The following NBAS variants were observed in gnomAD, a reference collection of about 807,000 sequenced individuals.
The protein encoded by NBAS is NAG/BC035112 fusion.
NBAS carries 219 observed loss-of-function variants against 302.5 expected under a neutral mutation model. The ratio of observed to expected loss-of-function variants is 0.72; its 90% CI spans 0.65 to 0.81. The LOEUF (loss-of-function observed/expected upper bound fraction) is 0.81. Ranked by LOEUF, NBAS falls within the 30% of genes least tolerant of loss-of-function variation. The pLI is 0.00. For missense variants in NBAS, 2,932 were observed against 2,841.6 expected (o/e 1.03, Z -0.72); for synonymous variants, 1,118 against 1,021.6 (o/e 1.09, Z -1.80).
chr2:15,410,941 G>A (rs1017730768), intron 25 of NBAS, among the ~76,000 whole-genome samples: 11 of 152,192 alleles, frequency 7.2e-5, no homozygotes, highest in Admixed American at 2.0e-4. Context: ...CTGCAGTTCC[G>A]TGGGATCCCA....
chr2:15,287,247 C>A lies in NBAS; in HGVS notation c.5028-64G>T, dbSNP rs568312313. On this transcript the variant is annotated intron_variant, in intron 41 of 51. Transcript: ENST00000281513. ...AGAAACACATGACTTCAATCAGCAA[C>A]GAAAATGCTCATTAGGACTGCTCTC... 197 of 1,284,586 alleles carry A rather than the reference C, an allele frequency of 1.5e-4. 2 individuals carry two copies. The South Asian group carries it at 2.1e-3, about 14-fold the overall frequency. 79.6% of individuals were successfully genotyped at this position (1,284,586 alleles called of 1,614,324 possible).
chr2:15,255,356 G>T (rs1185915614), intron 44 of NBAS, among the ~76,000 whole-genome samples: 2 of 152,068 alleles, frequency 1.3e-5, no homozygotes, highest in Non-Finnish European at 2.9e-5. Flanking sequence ...GGCCACTGGT[G>T]TATCTCCTTT....
Position 15,285,346 on chromosome 2 carries a change from A to G in NBAS, c.5138+1727T>C, listed in dbSNP as rs139690177. ...TCTTTCTTCCCATGGCTTCCCTAAA[A>G]TAAGATTCCTGTTTCCCCTCTTACC... On this transcript the variant is annotated intron_variant, in intron 42 of 51. Coordinates refer to ENST00000281513, the MANE Select transcript of NBAS (RefSeq NM_015909.4). Among the ~76,000 whole-genome samples, 237 of 152,248 alleles carry G rather than the reference A, an allele frequency of 1.6e-3. 4 individuals are homozygous for G. In the East Asian group the frequency reaches 0.022, roughly 14 times the overall value.
the NBAS span, among the ~76,000 whole-genome samples, chr2:15,157,548 C>T: frequency 6.6e-6 from 1 of 152,334 alleles, no homozygotes; most frequent in Admixed American, 6.5e-5. Context: ...CCAGAATTCC[C>T]CTCCCCGGGG....
chr2:15,209,311 G>C (rs938341405), intron 48 of NBAS, among the ~76,000 whole-genome samples: 2 of 152,076 alleles, frequency 1.3e-5, no homozygotes, highest in Admixed American at 6.5e-5. Flanking sequence ...AAGTCTCCCA[G>C]TAAAGAAAAA....
At chr2:14,821,847 C>A in the NBAS span, among the ~76,000 whole-genome samples, 1 of 150,894 alleles carries the variant, frequency 6.6e-6, no homozygotes, top group Non-Finnish European at 1.5e-5. Flanking sequence ...CCTGTCTCTA[C>A]TAAAAATACA....
At chr2:14,904,122 G>A in the NBAS span, among the ~76,000 whole-genome samples, 1 of 152,210 alleles carries the variant, frequency 6.6e-6, no homozygotes, top group Non-Finnish European at 1.5e-5. Context: ...CTCTAAGAGG[G>A]CAAGGGATGT....
the NBAS span, among the ~76,000 whole-genome samples, chr2:15,060,665 G>C: frequency 6.6e-6 from 1 of 152,046 alleles, no homozygotes; most frequent in African/African-American, 2.4e-5. Context: ...GGGGAAGAAG[G>C]GGAAACTGAG....
At chr2:14,918,757 G>T in the NBAS span, among the ~76,000 whole-genome samples, 1 of 152,110 alleles carries the variant, frequency 6.6e-6, no homozygotes, top group East Asian at 1.9e-4. Context: ...GGCTGCAGTG[G>T]GAAACAGGAA....
chr2:15,410,145 T>C (rs1676612359), intron 25 of NBAS, among the ~76,000 whole-genome samples: 1 of 152,202 alleles, frequency 6.6e-6, no homozygotes, highest in South Asian at 2.1e-4. Context: ...TTATTGACAA[T>C]GCATCTTTTA....
chr2:15,066,057 A>C, the NBAS span, among the ~76,000 whole-genome samples: 1 of 152,020 alleles, frequency 6.6e-6, no homozygotes, highest in Non-Finnish European at 1.5e-5. Context: ...GAACAGAATA[A>C]ATAGCCCAGA....
At chr2:14,866,943 C>G in the NBAS span, among the ~76,000 whole-genome samples, 1 of 152,042 alleles carries the variant, frequency 6.6e-6, no homozygotes, top group African/African-American at 2.4e-5. Context: ...ACTCACAGAT[C>G]TAACTGCGAC....
the NBAS span, among the ~76,000 whole-genome samples, chr2:15,142,228 C>T: frequency 9.9e-5 from 15 of 152,166 alleles, no homozygotes; most frequent in Admixed American, 4.6e-4. Flanking sequence ...AACCGGAAGA[C>T]AGCAGCAGGA....
At chr2:15,517,103 CA>C (rs981115503) in intron 9 of NBAS, among the ~76,000 whole-genome samples, 56 of 142,238 alleles carry the variant, frequency 3.9e-4, no homozygotes, top group Admixed American at 5.6e-4. Context: ...ATCTTTTGGC[CA>C]AAAAAAAAAA....
rs561497831 is a variant in NBAS at position 15,486,389 on chromosome 2, T to C, written c.1083+2505A>G. ...CAACTAGCTTGAGAATCAAGTTGCA[T>C]AGCTCCCCTGATTGACAGATCAATT... is the stretch of plus-strand genomic sequence containing the variant. On this transcript the variant is annotated intron_variant, in intron 12 of 51. Transcript: ENST00000281513. Among the ~76,000 whole-genome samples, 6 of 152,310 alleles carry C rather than the reference T, an allele frequency of 3.9e-5. No individual in the cohort carries two copies. The South Asian group carries it at 8.3e-4, about 21-fold the overall frequency.
At chr2:15,430,505 T>C (rs895821094) in intron 21 of NBAS, among the ~76,000 whole-genome samples, 1 of 152,244 alleles carries the variant, frequency 6.6e-6, no homozygotes, top group African/African-American at 2.4e-5. Context: ...ACAATGCTGT[T>C]AACATAAAAT....
chr2:15,331,149 A>C (rs909396334), intron 35 of NBAS, among the ~76,000 whole-genome samples: 3 of 152,252 alleles, frequency 2.0e-5, no homozygotes. Flanking sequence ...TAATTAAGAA[A>C]TAAATTATTC....
At chr2:15,426,301 G>A (rs563932983) in intron 22 of NBAS, among the ~76,000 whole-genome samples, 4 of 152,106 alleles carry the variant, frequency 2.6e-5, no homozygotes, top group Non-Finnish European at 5.9e-5. Flanking sequence ...TCACAAGACT[G>A]TATCCCTAAT....
At chr2:14,966,455 A>G in the NBAS span, among the ~76,000 whole-genome samples, 4 of 152,198 alleles carry the variant, frequency 2.6e-5, no homozygotes, top group Non-Finnish European at 5.9e-5. Context: ...CAAATCACAC[A>G]TGATCAAGTC....
Sources: gnomAD v4.1 joint callset for allele counts (sites outside exome capture counted in the v4.1 genomes callset) on GRCh38, gnomAD v4.1.1 for gene constraint, MANE v1.5 for transcripts, NCBI Gene and HGNC (gene_info 2026-07-23, HGNC 2026-07-21) for gene names.